The following CHL1 variants were observed in gnomAD, a reference collection of about 807,000 sequenced individuals.
The protein encoded by CHL1 is cell adhesion molecule L1 like.
In CHL1, 96 loss-of-function variants were observed where a neutral mutation model predicts 141.9. That is an observed-to-expected ratio of 0.68 (90% confidence interval 0.57 to 0.80). CHL1 has a LOEUF of 0.80. Among genes scored for constraint, CHL1 ranks in the 30% least tolerant of loss-of-function variants. CHL1 has a pLI of 0.00. For missense variants in CHL1, 1,820 were observed against 1,457.2 expected (o/e 1.25, Z -4.05); for synonymous variants, 613 against 502.2 (o/e 1.22, Z -2.95).
At chr3:230,928 C>A (rs1427411436) in intron 1 of CHL1, among the ~76,000 whole-genome samples, 2 of 152,262 alleles carry the variant, frequency 1.3e-5, no homozygotes, top group East Asian at 3.9e-4. Flanking sequence ...AGATTGTGCT[C>A]ATGAAGGCAC....
intron 2 of CHL1, among the ~76,000 whole-genome samples, chr3:284,166 C>G (rs941712105): frequency 3.9e-5 from 6 of 152,070 alleles, no homozygotes; most frequent in African/African-American, 1.2e-4. Flanking sequence ...AAAGATATTA[C>G]TAATAAGTGT....
chr3:324,588 G>T (rs1001666286), intron 3 of CHL1, among the ~76,000 whole-genome samples: 1 of 151,050 alleles, frequency 6.6e-6, no homozygotes, highest in African/African-American at 2.4e-5. Context: ...CTAGGTGAGA[G>T]GCAAAATCAC....
At chr3:290,553 A>C (rs1251036029) in intron 2 of CHL1, among the ~76,000 whole-genome samples, 1 of 152,190 alleles carries the variant, frequency 6.6e-6, no homozygotes, top group African/African-American at 2.4e-5. Context: ...ATTGAATGAC[A>C]AATTCTAATT....
chr3:306,465 G>A (rs1437401837), intron 2 of CHL1, among the ~76,000 whole-genome samples: 1 of 151,938 alleles, frequency 6.6e-6, no homozygotes, highest in African/African-American at 2.4e-5. Context: ...ACAACCACTG[G>A]GATGTGATTA....
At chr3:303,057 C>T (rs745428746) in intron 2 of CHL1, among the ~76,000 whole-genome samples, 27 of 152,038 alleles carry the variant, frequency 1.8e-4, no homozygotes, top group African/African-American at 3.4e-4. Flanking sequence ...GTTGTAGCTG[C>T]GTGGTGTTAT....
At position 409,301 on chromosome 3, in the gene CHL1, T is replaced by A. The variant is rs571222476; in HGVS notation, c.*3590T>A. 1 of 152,198 alleles carries A rather than the reference T, an allele frequency of 6.6e-6. No individual in the cohort carries two copies. Among genetic ancestry groups the A allele is most frequent in the South Asian group, 2.1e-4 (1 of 4,822 alleles). The allele number at this position is 152,198 out of a possible 1,614,324, so 9.4% of individuals were successfully genotyped here. ...TCATAGTAGAACTTTATAAAACGTG[T>A]TTGTATTGTAGGTGGTGTTTGTATT... On this transcript the variant is annotated 3_prime_UTR_variant, in exon 28 of 28. Coordinates refer to ENST00000256509, the MANE Select transcript of CHL1 (RefSeq NM_006614.4).
In CHL1 at chr3:390,714, TC is replaced by T; in HGVS notation, c.2486del (p.Pro829GlnfsTer2). ...YSGEDYPDTA[P>X]VIHGVDVINS... ...TATGATTAACAGATCCTGATACAGCTCCAGTGATCCATGGGGTGGACGTTAT... is the reference window on the plus strand; with the variant it reads ...TATGATTAACAGATCCTGATACAGCTCAGTGATCCATGGGGTGGACGTTAT... On this transcript the variant is annotated frameshift_variant, in exon 21 of 28. Transcript: ENST00000256509. LOFTEE classifies it high-confidence loss of function. 6.3e-7 allele frequency: 1 copy of T among 1,583,254 alleles called. No individual in the cohort carries two copies. The highest frequency in any genetic ancestry group is 8.7e-7 in the Non-Finnish European group (1 of 1,152,044).
At chr3:334,450 T>A (rs1701702536) in intron 5 of CHL1, among the ~76,000 whole-genome samples, 1 of 152,150 alleles carries the variant, frequency 6.6e-6, no homozygotes. Context: ...TCTGTTCCCA[T>A]CTCCAGGCCT....
chr3:313,414 G>T (rs1699907695), intron 2 of CHL1, among the ~76,000 whole-genome samples: 2 of 152,110 alleles, frequency 1.3e-5, no homozygotes, highest in Non-Finnish European at 2.9e-5. Context: ...GGATAAAGTA[G>T]AAACCTCTTT....
At chr3:277,716 T>C (rs1265410928) in intron 2 of CHL1, among the ~76,000 whole-genome samples, 1 of 152,240 alleles carries the variant, frequency 6.6e-6, no homozygotes, top group Admixed American at 6.5e-5. Context: ...AGTGTTACAT[T>C]TGCTTATTTT....
rs1457754421 is a variant in CHL1 at position 275,522 on chromosome 3, T to C, written c.-95+30830T>C. Among the ~76,000 whole-genome samples, 7 of 152,338 alleles carry C rather than the reference T, an allele frequency of 4.6e-5. No individual in the cohort carries two copies. In the East Asian group the frequency reaches 1.3e-3, roughly 29 times the overall value. ...GCCATATCTTATGAATTGTTTTAGG[T>C]GCTATCTGGACTGACACAGTTTTGT... On this transcript the variant is annotated intron_variant, in intron 2 of 27. Coordinates refer to ENST00000256509, the MANE Select transcript of CHL1 (RefSeq NM_006614.4).
intron 8 of CHL1, 105 bp from the exon 9 acceptor site, chr3:344,483 AC>A: frequency 2.6e-6 from 2 of 756,928 alleles, no homozygotes; most frequent in Non-Finnish European, 4.3e-6. Context: ...ACACACACAC[AC>A]ACACACTCGT....
chr3:354,117 A>T (rs139844126), intron 10 of CHL1, among the ~76,000 whole-genome samples: 2,794 of 152,276 alleles, frequency 0.018, 38 homozygotes, highest in South Asian at 0.056. Flanking sequence ...AACTCTAGGA[A>T]ATAATATTTT....
At chr3:369,031 G>T (rs989463467) in intron 15 of CHL1, among the ~76,000 whole-genome samples, 2 of 152,158 alleles carry the variant, frequency 1.3e-5, no homozygotes, top group African/African-American at 4.8e-5. Flanking sequence ...GTAGCGTGAT[G>T]CCTCCAGCTT....
intron 2 of CHL1, among the ~76,000 whole-genome samples, chr3:315,779 T>C (rs1700112035): frequency 6.6e-6 from 1 of 152,000 alleles, no homozygotes; most frequent in Non-Finnish European, 1.5e-5. Context: ...TTGTCTGGGG[T>C]AAATACCTGG....
At chr3:351,212 A>G (rs1575138089) in intron 10 of CHL1, among the ~76,000 whole-genome samples, 4 of 152,230 alleles carry the variant, frequency 2.6e-5, no homozygotes, top group Admixed American at 1.3e-4. Context: ...AACATTAATT[A>G]TGCAATTTAA....
intron 2 of CHL1, among the ~76,000 whole-genome samples, chr3:272,344 TG>T (rs1223485503): frequency 6.6e-6 from 1 of 152,232 alleles, no homozygotes; most frequent in Non-Finnish European, 1.5e-5. Context: ...TTGTTGTTTT[TG>T]CATAGATTTT....
intron 2 of CHL1, among the ~76,000 whole-genome samples, chr3:318,925 T>C (rs1700340674): frequency 1.3e-5 from 2 of 151,652 alleles, no homozygotes; most frequent in South Asian, 2.1e-4. Flanking sequence ...ATGAAGTTAT[T>C]GTCTTAGCCA....
At position 361,677 on chromosome 3, in the gene CHL1, C is replaced by T. The variant is rs751205588; in HGVS notation, c.1307-22C>T. Reference sequence around the variant, plus strand: ...TTTCTTCCACAAAAGTTTAAAACTGCGTTTATGTTATTTTCAAATAGATGT... The same window carrying T: ...TTTCTTCCACAAAAGTTTAAAACTGTGTTTATGTTATTTTCAAATAGATGT... On this transcript the variant is annotated intron_variant, in intron 12 of 27. Coordinates refer to ENST00000256509, the MANE Select transcript of CHL1 (RefSeq NM_006614.4). 4.3e-5 allele frequency: 66 copies of T among 1,536,390 alleles called. 1 individual carries two copies. In the Middle Eastern group the frequency reaches 6.8e-4, roughly 16 times the overall value.
Sources: gnomAD v4.1 joint callset for allele counts (sites outside exome capture counted in the v4.1 genomes callset) on GRCh38, gnomAD v4.1.1 for gene constraint, MANE v1.5 for transcripts, NCBI Gene and HGNC (gene_info 2026-07-23, HGNC 2026-07-21) for gene names.